NRXN3: variants seen among roughly 807,000 people sequenced by gnomAD.
NRXN3 encodes the protein neurexin 3.
Under a neutral mutation model 137.6 loss-of-function variants are expected in NRXN3, and 32 were observed. That is an observed-to-expected ratio of 0.23 (90% CI 0.18 to 0.31). The LOEUF (loss-of-function observed/expected upper bound fraction) is 0.31. Ranked by LOEUF, NRXN3 falls within the 10% of genes least tolerant of loss-of-function variation. NRXN3 has a pLI of 1.00. For synonymous variants in NRXN3, 798 were observed against 784.5 expected (o/e 1.02, Z -0.29); for missense variants, 1,574 against 2,062.5 (o/e 0.76, Z 4.59).
chr14:79,412,860 G>A (rs1393476408), intron 15 of NRXN3, among the ~76,000 whole-genome samples: 1 of 149,932 alleles, frequency 6.7e-6, no homozygotes, highest in Non-Finnish European at 1.5e-5. Context: ...AAAATAAGAA[G>A]GGGCTAATAC....
intron 4 of NRXN3, among the ~76,000 whole-genome samples, chr14:78,346,876 C>G (rs2082809331): frequency 1.3e-5 from 2 of 152,074 alleles, no homozygotes; most frequent in Admixed American, 1.3e-4. Flanking sequence ...AGAGGCTTGT[C>G]CACTAAATGT....
At chr14:79,217,263 T>C (rs1226027250) in intron 15 of NRXN3, among the ~76,000 whole-genome samples, 1 of 152,152 alleles carries the variant, frequency 6.6e-6, no homozygotes, top group Non-Finnish European at 1.5e-5. Context: ...GTTTTACTCA[T>C]GGTGGAAGGC....
intron 10 of NRXN3, among the ~76,000 whole-genome samples, chr14:78,905,518 T>C (rs892465402): frequency 6.6e-6 from 1 of 152,098 alleles, no homozygotes; most frequent in Non-Finnish European, 1.5e-5. Context: ...TTTGAGAGTT[T>C]ATCATGTATA....
At chr14:79,739,812 G>A (rs535939535) in intron 19 of NRXN3, among the ~76,000 whole-genome samples, 236 of 152,168 alleles carry the variant, frequency 1.6e-3, no homozygotes, top group African/African-American at 5.3e-3. Flanking sequence ...TGTATCTTAC[G>A]TTATTTACCA....
intron 4 of NRXN3, among the ~76,000 whole-genome samples, chr14:78,380,249 C>T (rs1011212684): frequency 3.8e-5 from 5 of 132,432 alleles, no homozygotes; most frequent in African/African-American, 8.6e-5. Flanking sequence ...TGCAGCGAGC[C>T]GAGATTGCGC....
At chr14:78,661,944 C>T (rs1344987347) in intron 6 of NRXN3, among the ~76,000 whole-genome samples, 1 of 148,686 alleles carries the variant, frequency 6.7e-6, no homozygotes, top group Non-Finnish European at 1.5e-5. Context: ...GGCTGGAGTG[C>T]AGTGGTGCAA....
At chr14:78,216,861 G>A (rs1595997868) in intron 1 of NRXN3, among the ~76,000 whole-genome samples, 1 of 152,090 alleles carries the variant, frequency 6.6e-6, no homozygotes, top group Admixed American at 6.5e-5. Flanking sequence ...TCCTTGGCTT[G>A]TAGTGGCCTC....
intron 4 of NRXN3, among the ~76,000 whole-genome samples, chr14:78,631,454 A>G (rs540504390): frequency 2.0e-5 from 3 of 152,244 alleles, no homozygotes; most frequent in Non-Finnish European, 4.4e-5. Context: ...CAGTTTTGTC[A>G]TAACTCGTGG....
intron 19 of NRXN3, among the ~76,000 whole-genome samples, chr14:79,794,129 A>G (rs1318413554): frequency 6.6e-6 from 1 of 152,040 alleles, no homozygotes; most frequent in African/African-American, 2.4e-5. Flanking sequence ...CTTTGGGAGG[A>G]TGAGGCAGGT....
chr14:78,357,281 C>T (rs1294993567), intron 4 of NRXN3, among the ~76,000 whole-genome samples: 1 of 152,142 alleles, frequency 6.6e-6, no homozygotes, highest in African/African-American at 2.4e-5. Context: ...GGGCAAACTC[C>T]CTTTTTATTT....
chr14:78,241,091 G>A (rs1391164129), intron 1 of NRXN3, among the ~76,000 whole-genome samples: 1 of 152,098 alleles, frequency 6.6e-6, no homozygotes, highest in Non-Finnish European at 1.5e-5. Flanking sequence ...TAAAATATAT[G>A]TAATATACTC....
chr14:79,679,914 G>C lies in NRXN3; in HGVS notation c.3617-12259G>C, dbSNP rs535297755. Among the ~76,000 whole-genome samples, 14 of 152,174 alleles carry C rather than the reference G, an allele frequency of 9.2e-5. No homozygotes were observed. The South Asian group carries it at 2.3e-3, about 25-fold the overall frequency. On this transcript the variant is annotated intron_variant, in intron 17 of 20. Transcript: ENST00000335750. ...TAACTATAAGTTACTTCTAATGATT[G>C]ACTGTCACTTGAGTTGTAAATCACA...
intron 15 of NRXN3, among the ~76,000 whole-genome samples, chr14:79,351,680 A>G (rs1162176054): frequency 6.6e-6 from 1 of 152,196 alleles, no homozygotes; most frequent in African/African-American, 2.4e-5. Flanking sequence ...TATAGCTTTA[A>G]TAACGTGATA....
At chr14:78,891,033 T>C (rs1399257952) in intron 10 of NRXN3, among the ~76,000 whole-genome samples, 2 of 151,994 alleles carry the variant, frequency 1.3e-5, no homozygotes, top group African/African-American at 4.8e-5. Context: ...GTTTACAATA[T>C]TAACAGTTAC....
intron 15 of NRXN3, among the ~76,000 whole-genome samples, chr14:79,130,279 G>T (rs1325957390): frequency 6.6e-6 from 1 of 151,934 alleles, no homozygotes; most frequent in African/African-American, 2.4e-5. Context: ...AGTCTCGATG[G>T]TCTTTACATT....
At chr14:78,841,280 G>GGAT (rs1367784072) in intron 10 of NRXN3, among the ~76,000 whole-genome samples, 2 of 151,994 alleles carry the variant, frequency 1.3e-5, no homozygotes, top group South Asian at 2.1e-4. Context: ...AGAACCAGAT[G>GGAT]GATGATGATG....
chr14:78,466,965 C>A (rs1264177679), intron 4 of NRXN3, among the ~76,000 whole-genome samples: 1 of 152,082 alleles, frequency 6.6e-6, no homozygotes, highest in Non-Finnish European at 1.5e-5. Flanking sequence ...TGTAACAAAC[C>A]TGCACATGTA....
chr14:78,526,504 T>G (rs2153807603), intron 4 of NRXN3, among the ~76,000 whole-genome samples: 1 of 152,364 alleles, frequency 6.6e-6, no homozygotes, highest in African/African-American at 2.4e-5. Context: ...TATTGTTAAC[T>G]TTGAGCTTTC....
In NRXN3 at chr14:78,383,490, C is replaced by T. The variant is rs1227358163; in HGVS notation, c.757+85630C>T. The stretch of plus-strand genomic sequence containing the variant: ...TATTTATCTCATTATATCTATTTAT[C>T]TACCTTTAATCTAATTTTAGGTAAA... On this transcript the variant is annotated intron_variant, in intron 4 of 20. Coordinates refer to ENST00000335750, the MANE Select transcript of NRXN3 (RefSeq NM_001330195.2). Among the ~76,000 whole-genome samples the T allele has an allele frequency of 2.6e-5, 4 of 152,142 alleles. No individual in the cohort carries two copies. In the East Asian group the frequency reaches 7.7e-4, roughly 29 times the overall value.
Sources: allele counts gnomAD v4.1 joint callset (sites outside exome capture counted in the v4.1 genomes callset), GRCh38; gene constraint gnomAD v4.1.1; transcripts MANE v1.5; gene names NCBI Gene and HGNC (gene_info 2026-07-23, HGNC 2026-07-21).